Variants in PGBD1 observed in about 807,000 individuals in gnomAD.
PGBD1 encodes the protein piggyBac transposable element derived 1.
PGBD1 carries 25 observed loss-of-function variants against 34.7 expected under a neutral mutation model. The observed-to-expected ratio is 0.72, with a 90% CI of 0.52 to 1.00. PGBD1 has a LOEUF of 1.00. PGBD1 is among the 50% of genes least tolerant of loss of function. PGBD1 has a pLI of 0.00. For missense variants in PGBD1, 830 were observed against 959.4 expected, an observed-to-expected ratio of 0.87 and a Z score of 1.78; for synonymous variants, 292 against 335.7, an observed-to-expected ratio of 0.87 and a Z score of 1.42.
At position 28,281,635 on chromosome 6, in the gene PGBD1, G is replaced by C; in HGVS notation, c.-322G>C. ...CAGACCCGCCAGCCCAGCGGCCCGG[G>C]CTCTGGGGAAACCGGCGCTCCCGAC... On this transcript the variant is annotated 5_prime_UTR_variant, in exon 1 of 7. Transcript: ENST00000682144. 2.7e-6 allele frequency: 1 copy of C among 376,194 alleles called. No homozygotes were observed. The highest frequency in any genetic ancestry group is 3.8e-5 in the East Asian group (1 of 26,462). The allele number at this position is 376,194 out of a possible 1,614,324, so 23.3% of individuals were successfully genotyped here. A position where few individuals can be genotyped will look rare whatever the true frequency, so the allele number is the denominator to read the frequency against.
Position 28,301,153 on chromosome 6 carries a change from C to T in PGBD1, c.1299C>T (p.Asn433=), listed in dbSNP as rs1262123923. 2 of 1,614,112 alleles carry T rather than the reference C, an allele frequency of 1.2e-6. No homozygotes were observed. Among genetic ancestry groups the T allele is most frequent in the East Asian group, 2.2e-5 (1 of 44,880 alleles). ...TATTTTTTGATGATGAAACATTCAA[C>T]TTAATTGTCAATGAAACCAATAATT... ...FELFFDDETF[N]LIVNETNNYA... is the part of the protein sequence containing the mutation. Residue 433 remains asparagine (N), a synonymous_variant, in exon 7 of 7, where the codon AAC becomes AAT. Coordinates refer to ENST00000682144, the MANE Select transcript of PGBD1 (RefSeq NM_032507.4).
intron 3 of PGBD1, among the ~76,000 whole-genome samples, chr6:28,285,934 A>T (rs1762274187): frequency 1.3e-5 from 2 of 152,214 alleles, no homozygotes; most frequent in Admixed American, 1.3e-4. Flanking sequence ...AGCATTCTGT[A>T]CGTAGGTCTT....
intron 4 of PGBD1, among the ~76,000 whole-genome samples, chr6:28,291,947 C>T (rs976290924): frequency 6.6e-6 from 1 of 151,860 alleles, no homozygotes; most frequent in Non-Finnish European, 1.5e-5. Flanking sequence ...AGGAACATAC[C>T]TCAAAATAAG....
At chr6:28,289,850 G>A (rs560687453) in intron 4 of PGBD1, among the ~76,000 whole-genome samples, 8 of 152,222 alleles carry the variant, frequency 5.3e-5, no homozygotes, top group South Asian at 4.1e-4. Context: ...TTGAGACAAC[G>A]AAAAGTCAAA....
chr6:28,288,499 G>A (rs1762354124), intron 4 of PGBD1, among the ~76,000 whole-genome samples: 1 of 152,178 alleles, frequency 6.6e-6, no homozygotes, highest in Admixed American at 6.5e-5. Context: ...ATTAGAGGCA[G>A]CCATCCTTTA....
intron 6 of PGBD1, among the ~76,000 whole-genome samples, chr6:28,298,831 T>C (rs1762736323): frequency 6.6e-6 from 1 of 152,042 alleles, no homozygotes; most frequent in African/African-American, 2.4e-5. Flanking sequence ...TTCTCAGGAT[T>C]GCAGAAAGAG....
At position 28,284,014 on chromosome 6, in the gene PGBD1, A is replaced by G; in HGVS notation, c.201A>G (p.Glu67=). Reference sequence around the variant, plus strand: ...AGGAAGCTCTGGCCCAACTCCGAGAACTTTGTCATCAATGGCTGAGACCGG... The same window carrying G: ...AGGAAGCTCTGGCCCAACTCCGAGAGCTTTGTCATCAATGGCTGAGACCGG... ...GPQEALAQLR[E]LCHQWLRPEM... The change falls in exon 2 of 7, where the codon GAA becomes GAG. Residue 67 remains glutamate, a synonymous_variant. Transcript: ENST00000682144. 1 of 1,614,174 alleles carries G rather than the reference A, an allele frequency of 6.2e-7. No individual in the cohort carries two copies. The highest frequency in any genetic ancestry group is 8.5e-7 in the Non-Finnish European group (1 of 1,179,996).
At chr6:28,296,513 C>G (rs938173238) in intron 4 of PGBD1, among the ~76,000 whole-genome samples, 6 of 152,150 alleles carry the variant, frequency 3.9e-5, no homozygotes. Context: ...CTGATTTATA[C>G]TGATTGTAGG....
chr6:28,287,028 A>G (rs934256370), intron 3 of PGBD1, 52 bp from the exon 4 acceptor site: 3 of 1,403,846 alleles, frequency 2.1e-6, no homozygotes, highest in Non-Finnish European at 3.0e-6. Flanking sequence ...CAAAAAGGGT[A>G]CCCTAAAGGC....
intron 2 of PGBD1, 129 bp from the exon 3 acceptor site, chr6:28,285,421 TG>T: frequency 2.1e-6 from 2 of 961,064 alleles, no homozygotes; most frequent in Non-Finnish European, 3.0e-6. Context: ...TTTGTTTTTC[TG>T]GGCTGGGATC....
chr6:28,287,876 C>G (rs1762333985), intron 4 of PGBD1, among the ~76,000 whole-genome samples: 1 of 152,148 alleles, frequency 6.6e-6, no homozygotes, highest in African/African-American at 2.4e-5. Context: ...AAAACCTACT[C>G]ATGCACATTC....
intron 4 of PGBD1, among the ~76,000 whole-genome samples, chr6:28,295,101 T>C (rs1762587031): frequency 1.3e-5 from 2 of 152,026 alleles, no homozygotes; most frequent in African/African-American, 4.8e-5. Context: ...CTAACACTCA[T>C]CATTGTCTTT....
Position 28,283,974 on chromosome 6 carries a change from A to G in PGBD1, c.161A>G (p.Glu54Gly), listed in dbSNP as rs752206442. The part of the protein sequence containing the change: ...RLRFRHFCYQ[E>G]AHGPQEALAQ... ...CGCTTTCGGCACTTCTGCTACCAGG[A>G]GGCTCACGGACCCCAGGAAGCTCTG... Residue 54 changes from glutamate (E) to glycine (G), a missense_variant, in exon 2 of 7, where the codon GAG becomes GGG. Glu to Gly is a moderately conservative substitution (Grantham distance 98). Around this residue, in one of 3 missense-constraint regions of PGBD1, gnomAD observed 457 missense variants for 515.4 expected, o/e 0.89. Transcript: ENST00000682144. The G allele has an allele frequency of 6.2e-7, 1 of 1,614,194 alleles. No homozygotes were observed.
At chr6:28,295,010 A>G (rs184521193) in intron 4 of PGBD1, among the ~76,000 whole-genome samples, 4 of 152,354 alleles carry the variant, frequency 2.6e-5, no homozygotes, top group Non-Finnish European at 4.4e-5. Context: ...AGGATTCATC[A>G]TTCTAGATGC....
At position 28,300,804 on chromosome 6, in the gene PGBD1, G is replaced by A. The variant is rs199718652; in HGVS notation, c.950G>A (p.Arg317His). 43 of 1,613,926 alleles carry A rather than the reference G, an allele frequency of 2.7e-5. No individual in the cohort carries two copies. The highest frequency in any genetic ancestry group is 5.0e-5 in the Admixed American group (3 of 59,982). ...TVAHLNTLKD[R>H]HPGDLWARMH... ...GCACATTTGAACACTCTGAAGGACC[G>A]TCACCCAGGTGATTTGTGGGCCCGC... is the stretch of plus-strand genomic sequence containing the variant. The change falls in exon 7 of 7, where the codon CGT (arginine) becomes CAT (histidine). Residue 317 changes from arginine to histidine, a missense_variant. Around this residue, in one of 3 missense-constraint regions of PGBD1, gnomAD observed 457 missense variants for 515.4 expected, o/e 0.89. Transcript: ENST00000682144. The surrounding 1 kb of genome is among the most constrained non-coding windows in gnomAD (Gnocchi z 4.0).
chr6:28,297,357 G>A (rs895135846), intron 5 of PGBD1, among the ~76,000 whole-genome samples: 10 of 152,040 alleles, frequency 6.6e-5, no homozygotes, highest in East Asian at 1.9e-4. Flanking sequence ...CTAAGAACAC[G>A]ACAGTTCATG....
At position 28,285,677 on chromosome 6, in the gene PGBD1, C is replaced by T. The variant is rs998335516; in HGVS notation, c.523C>T (p.Arg175Cys). The T allele has an allele frequency of 4.3e-6, 7 of 1,613,804 alleles. No homozygotes were observed. In the Admixed American group the frequency reaches 5.0e-5, roughly 12 times the overall value. The change falls in exon 3 of 7, where the codon CGT becomes TGT. Residue 175 changes from arginine (R) to cysteine (C), a missense_variant. Coordinates refer to ENST00000682144, the MANE Select transcript of PGBD1 (RefSeq NM_032507.4). ...ITTLKCEPPQ[R>C]PQGNPQEVSG... ...CACCCTGAAGTGTGAACCTCCACAGCGTCCTCAAGGGAACCCCCAAGAAGT... is the reference window on the plus strand; with the variant it reads ...CACCCTGAAGTGTGAACCTCCACAGTGTCCTCAAGGGAACCCCCAAGAAGT...
chr6:28,302,522 A>G lies in PGBD1; in HGVS notation c.*238A>G. The G allele has an allele frequency of 4.5e-6, 2 of 446,140 alleles. No homozygotes were observed. Among genetic ancestry groups the G allele is most frequent in the Non-Finnish European group, 3.9e-6 (1 of 254,532 alleles). The allele number at this position is 446,140 out of a possible 1,614,324, so 27.6% of individuals were successfully genotyped here. ...CTCTATGTCAAGTTTTGTGTCAGACATGGGAAATCATGTATTTGTTCAATT... is the reference window on the plus strand; with the variant it reads ...CTCTATGTCAAGTTTTGTGTCAGACGTGGGAAATCATGTATTTGTTCAATT... On this transcript the variant is annotated 3_prime_UTR_variant, in exon 7 of 7. Transcript: ENST00000682144.
At chr6:28,298,821 T>C (rs1297117230) in intron 6 of PGBD1, among the ~76,000 whole-genome samples, 3 of 152,030 alleles carry the variant, frequency 2.0e-5, no homozygotes, top group Non-Finnish European at 4.4e-5. Context: ...ATTCCGAGGC[T>C]TCTCAGGATT....
Sources: allele counts gnomAD v4.1 joint callset (sites outside exome capture counted in the v4.1 genomes callset), GRCh38; gene constraint gnomAD v4.1.1; regional missense constraint gnomAD v4.1.1; non-coding constraint Gnocchi (gnomAD v3.1); transcripts MANE v1.5; gene names NCBI Gene and HGNC (gene_info 2026-07-23, HGNC 2026-07-21).